The following CADM1 variants were observed in gnomAD, a reference collection of about 807,000 sequenced individuals.
CADM1 encodes cell adhesion molecule 1.
In CADM1, 15 loss-of-function variants were observed where a neutral mutation model predicts 53.1. The observed-to-expected ratio is 0.28, with a 90% CI of 0.19 to 0.44. The LOEUF (loss-of-function observed/expected upper bound fraction) is 0.44, where lower values mean the gene tolerates loss of function less well. CADM1 is among the 20% of genes least tolerant of loss of function. The pLI is 1.00. For synonymous variants in CADM1, 281 were observed against 243.0 expected (o/e 1.16, Z -1.45); for missense variants, 434 against 611.3 (o/e 0.71, Z 3.06).
chr11:115,307,980 A>T (rs1944421602), intron 1 of CADM1, among the ~76,000 whole-genome samples: 1 of 151,788 alleles, frequency 6.6e-6, no homozygotes, highest in Non-Finnish European at 1.5e-5. Context: ...CAAATAAATT[A>T]TCCTAAAAAA....
chr11:115,238,784 T>C (rs904051636), intron 2 of CADM1, 132 bp from the exon 3 acceptor site: 3 of 865,750 alleles, frequency 3.5e-6, no homozygotes, highest in African/African-American at 3.3e-5. Context: ...AGTAACTTCA[T>C]GTAGACAAAT....
intron 3 of CADM1, among the ~76,000 whole-genome samples, chr11:115,237,580 C>T (rs773218718): frequency 5.3e-5 from 8 of 152,194 alleles, no homozygotes; most frequent in Non-Finnish European, 1.2e-4. Flanking sequence ...CCTATCATTA[C>T]ACTGAAAAGC....
At chr11:115,482,544 T>C (rs1949281293) in intron 1 of CADM1, among the ~76,000 whole-genome samples, 1 of 152,218 alleles carries the variant, frequency 6.6e-6, no homozygotes, top group Non-Finnish European at 1.5e-5. Context: ...GAAGCTTCTC[T>C]ATATTCACTG....
Position 115,173,641 on chromosome 11 carries a change from A to ATT in CADM1, c.*2831_*2832dup, listed in dbSNP as rs5794958. ...ATTAAAGGATCACTTTGTAACATTA[A>ATT]TTTTTTTTTATTAAGAAGACAGATA... On this transcript the variant is annotated 3_prime_UTR_variant, in exon 12 of 12. Coordinates refer to ENST00000331581, the MANE Select transcript of CADM1 (RefSeq NM_001301043.2). 149 of 334,980 alleles carry ATT rather than the reference A, an allele frequency of 4.4e-4. No individual in the cohort carries two copies. Among genetic ancestry groups the ATT allele is most frequent in the Non-Finnish European group, 5.7e-4 (135 of 235,780 alleles). The allele number at this position is 334,980 out of a possible 1,614,324, so 20.8% of individuals were successfully genotyped here.
chr11:115,464,311 T>C (rs893379110), intron 1 of CADM1, among the ~76,000 whole-genome samples: 2 of 152,208 alleles, frequency 1.3e-5, no homozygotes, highest in African/African-American at 4.8e-5. Context: ...TAAAGATGGA[T>C]TGCTTGTTTC....
At chr11:115,485,674 T>C (rs1233498744) in intron 1 of CADM1, among the ~76,000 whole-genome samples, 1 of 152,182 alleles carries the variant, frequency 6.6e-6, no homozygotes, top group Non-Finnish European at 1.5e-5. Flanking sequence ...GCCTTTTGTC[T>C]TCTGCCATGA....
intron 1 of CADM1, among the ~76,000 whole-genome samples, chr11:115,424,251 C>G (rs536744794): frequency 6.6e-6 from 1 of 152,330 alleles, no homozygotes; most frequent in South Asian, 2.1e-4. Flanking sequence ...ATACAGCTAA[C>G]AGAGTCGGGT....
At chr11:115,482,257 A>G (rs563877850) in intron 1 of CADM1, among the ~76,000 whole-genome samples, 2 of 152,244 alleles carry the variant, frequency 1.3e-5, no homozygotes, top group African/African-American at 4.8e-5. Context: ...TTCCTCTTCT[A>G]TGCTTCCACA....
At chr11:115,297,968 T>G (rs1173790033) in intron 1 of CADM1, among the ~76,000 whole-genome samples, 1 of 152,206 alleles carries the variant, frequency 6.6e-6, no homozygotes, top group Non-Finnish European at 1.5e-5. Flanking sequence ...GAAGTAACAT[T>G]GGCCTCTCAT....
chr11:115,303,823 ATACAACTGTATT>A (rs930605610), intron 1 of CADM1, among the ~76,000 whole-genome samples: 6 of 152,062 alleles, frequency 3.9e-5, no homozygotes, highest in Non-Finnish European at 7.4e-5. Flanking sequence ...TTTTGAGAAT[ATACAACTGTATT>A]CATATCCTGG....
At chr11:115,473,086 T>G (rs1949050642) in intron 1 of CADM1, among the ~76,000 whole-genome samples, 1 of 152,180 alleles carries the variant, frequency 6.6e-6, no homozygotes, top group African/African-American at 2.4e-5. Context: ...ATTAATGCAA[T>G]CATTTGCTAG....
chr11:115,359,747 T>G (rs1203753841), intron 1 of CADM1, among the ~76,000 whole-genome samples: 1 of 152,172 alleles, frequency 6.6e-6, no homozygotes, highest in Non-Finnish European at 1.5e-5. Context: ...ATTTATTTAG[T>G]TTAAATGTAA....
At chr11:115,256,396 C>T (rs1265209330) in intron 1 of CADM1, among the ~76,000 whole-genome samples, 1 of 152,252 alleles carries the variant, frequency 6.6e-6, no homozygotes, top group Admixed American at 6.5e-5. Flanking sequence ...ACACCAGTTT[C>T]ATTTCACACA....
At chr11:115,286,015 A>G (rs1943719707) in intron 1 of CADM1, among the ~76,000 whole-genome samples, 1 of 152,248 alleles carries the variant, frequency 6.6e-6, no homozygotes, top group African/African-American at 2.4e-5. Context: ...GCACCATGAT[A>G]TACTCAAAGG....
chr11:115,436,062 G>C (rs1199310336), intron 1 of CADM1, among the ~76,000 whole-genome samples: 3 of 152,146 alleles, frequency 2.0e-5, no homozygotes, highest in Non-Finnish European at 4.4e-5. Flanking sequence ...CTACGCCATG[G>C]TGACAGGGGC....
chr11:115,438,881 G>A (rs572127878), intron 1 of CADM1, among the ~76,000 whole-genome samples: 10 of 152,150 alleles, frequency 6.6e-5, no homozygotes, highest in Non-Finnish European at 1.3e-4. Flanking sequence ...GAAGCTATCT[G>A]ATGGTTTCTT....
chr11:115,251,839 C>T (rs1449708508), intron 1 of CADM1, among the ~76,000 whole-genome samples: 1 of 152,168 alleles, frequency 6.6e-6, no homozygotes, highest in Non-Finnish European at 1.5e-5. Context: ...TTTTAAGCCA[C>T]AGTTTGATGA....
intron 1 of CADM1, among the ~76,000 whole-genome samples, chr11:115,499,333 A>G (rs762725441): frequency 2.6e-5 from 4 of 152,240 alleles, no homozygotes; most frequent in Non-Finnish European, 4.4e-5. Context: ...ACTTATTCCA[A>G]TGACACAAAT....
intron 1 of CADM1, among the ~76,000 whole-genome samples, chr11:115,502,456 A>G (rs1478285033): frequency 6.6e-6 from 1 of 150,652 alleles, no homozygotes; most frequent in Non-Finnish European, 1.5e-5. Context: ...ACAATGCAGC[A>G]GCACGAGGGA....
Sources: allele counts gnomAD v4.1 joint callset (sites outside exome capture counted in the v4.1 genomes callset), GRCh38; gene constraint gnomAD v4.1.1; transcripts MANE v1.5; gene names NCBI Gene and HGNC (gene_info 2026-07-23, HGNC 2026-07-21).